The following MAPK10 variants were observed in gnomAD, a reference collection of about 807,000 sequenced individuals.
MAPK10 encodes the protein JNK3 alpha protein kinase.
A neutral mutation model predicts 59.3 loss-of-function variants in MAPK10; 25 were observed. The observed-to-expected ratio is 0.42, with a 90% CI of 0.31 to 0.59. The LOEUF (loss-of-function observed/expected upper bound fraction) is 0.59, where lower values mean the gene tolerates loss of function less well. Among genes scored for constraint, MAPK10 ranks in the 20% least tolerant of loss-of-function variants. The pLI is 0.15. For missense variants in MAPK10, 351 were observed against 568.9 expected (o/e 0.62, Z 3.90); for synonymous variants, 190 against 200.5 (o/e 0.95, Z 0.44).
chr4:86,332,293 T>G (rs2096173123), intron 2 of MAPK10, among the ~76,000 whole-genome samples: 1 of 152,242 alleles, frequency 6.6e-6, no homozygotes, highest in Non-Finnish European at 1.5e-5. Context: ...ACTTTACATT[T>G]AAATGCATCA....
chr4:86,184,338 A>T (rs2077645009), intron 3 of MAPK10, among the ~76,000 whole-genome samples: 1 of 152,116 alleles, frequency 6.6e-6, no homozygotes, highest in Non-Finnish European at 1.5e-5. Context: ...AGGCTAAGGA[A>T]ATAGCTCACA....
intron 1 of MAPK10, among the ~76,000 whole-genome samples, chr4:86,509,454 C>T (rs1273818969): frequency 6.7e-6 from 1 of 149,592 alleles, no homozygotes; most frequent in African/African-American, 2.5e-5. Flanking sequence ...GGGCCAGAAA[C>T]GCTGACCAAA....
chr4:86,454,787 G>A (rs1751086385), upstream of MAPK10, among the ~76,000 whole-genome samples: 1 of 152,066 alleles, frequency 6.6e-6, no homozygotes, highest in Non-Finnish European at 1.5e-5. Flanking sequence ...GAACACCTGG[G>A]AAATTCATTG....
chr4:86,492,908 T>C (rs561593715), intron 1 of MAPK10, among the ~76,000 whole-genome samples: 1 of 152,336 alleles, frequency 6.6e-6, no homozygotes, highest in South Asian at 2.1e-4. Flanking sequence ...AAACTAAATA[T>C]GGCCTGAGAA....
intron 2 of MAPK10, among the ~76,000 whole-genome samples, chr4:86,240,460 C>T (rs938746012): frequency 1.3e-5 from 2 of 152,124 alleles, no homozygotes; most frequent in Non-Finnish European, 2.9e-5. Context: ...TTAACGTCTC[C>T]CACTATTATT....
At chr4:86,139,337 G>A (rs920979985) in intron 4 of MAPK10, among the ~76,000 whole-genome samples, 7 of 150,558 alleles carry the variant, frequency 4.6e-5, no homozygotes, top group African/African-American at 7.4e-5. Context: ...AAACAGAGAT[G>A]TAGATCAATG....
chr4:86,410,050 G>T (rs1744932252), intron 1 of MAPK10, among the ~76,000 whole-genome samples: 1 of 152,120 alleles, frequency 6.6e-6, no homozygotes, highest in African/African-American at 2.4e-5. Flanking sequence ...GTCATAAATA[G>T]CTCTTATTAT....
intron 1 of MAPK10, among the ~76,000 whole-genome samples, chr4:86,459,868 A>T (rs1751572674): frequency 1.3e-5 from 2 of 152,166 alleles, no homozygotes; most frequent in Non-Finnish European, 2.9e-5. Flanking sequence ...TCACCGAAGA[A>T]CTTACTCATG....
intron 1 of MAPK10, among the ~76,000 whole-genome samples, chr4:86,451,028 T>C (rs1750635451): frequency 6.6e-6 from 1 of 152,148 alleles, no homozygotes; most frequent in Non-Finnish European, 1.5e-5. Flanking sequence ...TTTAGAGAGA[T>C]TTTGTGGAGT....
intron 1 of MAPK10, among the ~76,000 whole-genome samples, chr4:86,393,798 T>C (rs1201537802): frequency 6.6e-6 from 1 of 152,174 alleles, no homozygotes; most frequent in Non-Finnish European, 1.5e-5. Flanking sequence ...AGACCTGACT[T>C]GAAGTTCCAC....
chr4:86,484,925 G>A (rs1753874980), intron 1 of MAPK10, among the ~76,000 whole-genome samples: 2 of 152,188 alleles, frequency 1.3e-5, no homozygotes, highest in African/African-American at 4.8e-5. Context: ...CAGGGGGAGT[G>A]TATTTAAGAG....
At chr4:86,200,785 A>G (rs1160976226) in intron 2 of MAPK10, among the ~76,000 whole-genome samples, 1 of 151,942 alleles carries the variant, frequency 6.6e-6, no homozygotes, top group Non-Finnish European at 1.5e-5. Flanking sequence ...CAAGCATACA[A>G]TGTGTAATGA....
intron 1 of MAPK10, among the ~76,000 whole-genome samples, chr4:86,590,222 T>C (rs1380385115): frequency 1.3e-5 from 2 of 152,116 alleles, no homozygotes; most frequent in African/African-American, 2.4e-5. Flanking sequence ...TGTGTGTGTC[T>C]GAAAAGATAC....
intron 1 of MAPK10, among the ~76,000 whole-genome samples, chr4:86,585,195 TAA>T (rs751455160): frequency 9.9e-5 from 15 of 152,244 alleles, no homozygotes; most frequent in Admixed American, 2.6e-4. Context: ...ATTAGAAGGG[TAA>T]AAAGTCTTAT....
At chr4:86,289,149 C>T (rs1385047959) in intron 2 of MAPK10, among the ~76,000 whole-genome samples, 1 of 151,946 alleles carries the variant, frequency 6.6e-6, no homozygotes, top group Non-Finnish European at 1.5e-5. Context: ...AGTGAAGGAG[C>T]GTTTAGGATA....
intron 2 of MAPK10, among the ~76,000 whole-genome samples, chr4:86,256,278 C>T (rs1434086410): frequency 6.6e-6 from 1 of 152,190 alleles, no homozygotes; most frequent in Non-Finnish European, 1.5e-5. Flanking sequence ...TGCTCATCCT[C>T]TCCAGAGAAT....
chr4:86,164,577 A>G (rs1326043552), intron 3 of MAPK10: 1 of 151,994 alleles, frequency 6.6e-6, no homozygotes, highest in Non-Finnish European at 1.5e-5. Context: ...TGAAATCAAA[A>G]AACAGGCAGT....
At chr4:86,224,546 C>A (rs758161489) in intron 2 of MAPK10, among the ~76,000 whole-genome samples, 1 of 152,088 alleles carries the variant, frequency 6.6e-6, no homozygotes, top group Non-Finnish European at 1.5e-5. Context: ...TGAAGAGCTT[C>A]GGGGTAAGCA....
intron 1 of MAPK10, among the ~76,000 whole-genome samples, chr4:86,471,577 G>T (rs1752667093): frequency 6.6e-6 from 1 of 152,020 alleles, no homozygotes. Flanking sequence ...ATATAAAAAT[G>T]GTTGTTTCCT....
Sources: gnomAD v4.1 joint callset for allele counts (sites outside exome capture counted in the v4.1 genomes callset) on GRCh38, gnomAD v4.1.1 for gene constraint, MANE v1.5 for transcripts, NCBI Gene and HGNC (gene_info 2026-07-23, HGNC 2026-07-21) for gene names.